SHLD2: variants seen among roughly 807,000 people sequenced by gnomAD.
SHLD2 encodes shieldin complex subunit 2.
Under a neutral mutation model 73.2 loss-of-function variants are expected in SHLD2, and 30 were observed. The observed-to-expected ratio is 0.41, with a 90% CI of 0.31 to 0.56. The LOEUF is 0.56. Ranked by LOEUF, SHLD2 falls within the 20% of genes least tolerant of loss-of-function variation. The pLI, the probability that SHLD2 is intolerant of heterozygous loss-of-function variation, is 0.28. For missense variants in SHLD2, 745 were observed against 1,055.9 expected (o/e 0.71, Z 4.08); for synonymous variants, 285 against 370.1 (o/e 0.77, Z 2.64).
At chr10:87,137,584 C>T (rs960517278) in intron 2 of SHLD2, among the ~76,000 whole-genome samples, 18 of 151,932 alleles carry the variant, frequency 1.2e-4, no homozygotes, top group Non-Finnish European at 2.2e-4. Context: ...ATCAGATGGT[C>T]TAACATATAT....
Position 87,164,397 on chromosome 10 carries a change from T to C in SHLD2, c.1634-6081T>C, listed in dbSNP as rs114037919. Reference sequence around the variant, plus strand: ...CCTTCCAAGTAGCCGGTACCATAGCTGTGCACTACCACGCCTGGCTAATTT... The same window carrying C: ...CCTTCCAAGTAGCCGGTACCATAGCCGTGCACTACCACGCCTGGCTAATTT... On this transcript the variant is annotated intron_variant, in intron 4 of 9. Coordinates refer to ENST00000298786, the MANE Select transcript of SHLD2 (RefSeq NM_001330112.2). Among the ~76,000 whole-genome samples, 843 of 152,238 alleles carry C rather than the reference T, an allele frequency of 5.5e-3. 8 individuals carry two copies. Among genetic ancestry groups the C allele is most frequent in the African/African-American group, 0.019 (800 of 41,526 alleles).
intron 2 of SHLD2, among the ~76,000 whole-genome samples, chr10:87,150,841 T>G (rs1269837704): frequency 6.6e-6 from 1 of 151,954 alleles, no homozygotes; most frequent in Non-Finnish European, 1.5e-5. Flanking sequence ...GAGAGTCTTT[T>G]TTTGAGATGG....
intron 1 of SHLD2, among the ~76,000 whole-genome samples, chr10:87,096,096 A>C (rs1841851809): frequency 6.6e-6 from 1 of 152,204 alleles, no homozygotes; most frequent in Admixed American, 6.5e-5. Context: ...GCGGGAGTGT[A>C]GTGGCACCAT....
At chr10:87,129,051 G>A (rs1300031627) in intron 2 of SHLD2, among the ~76,000 whole-genome samples, 9 of 151,916 alleles carry the variant, frequency 5.9e-5, no homozygotes, top group Non-Finnish European at 1.3e-4. Flanking sequence ...AATTACAGGC[G>A]TGCATCACCA....
chr10:87,148,556 T>G (rs924093659), intron 2 of SHLD2, among the ~76,000 whole-genome samples: 11 of 126,380 alleles, frequency 8.7e-5, no homozygotes, highest in Admixed American at 8.5e-4. Flanking sequence ...CAAACAAGTT[T>G]GTGGGGGGGC....
intron 4 of SHLD2, among the ~76,000 whole-genome samples, chr10:87,169,804 G>A (rs1418556222): frequency 6.6e-6 from 1 of 152,052 alleles, no homozygotes; most frequent in Non-Finnish European, 1.5e-5. Flanking sequence ...ACATTTAAAG[G>A]ACATAGTAAC....
At chr10:87,143,787 C>T (rs1251536864) in intron 2 of SHLD2, among the ~76,000 whole-genome samples, 1 of 151,884 alleles carries the variant, frequency 6.6e-6, no homozygotes, top group Non-Finnish European at 1.5e-5. Flanking sequence ...AAACAGGACA[C>T]CAGAAGAGCA....
At chr10:87,170,782 G>A (rs1847544069) in intron 5 of SHLD2, 58 bp from the exon 6 acceptor site, 4 of 1,612,678 alleles carry the variant, frequency 2.5e-6, no homozygotes, top group East Asian at 4.5e-5. Flanking sequence ...AGCTATTAAA[G>A]TATGGTATCA....
chr10:87,172,498 T>C (rs1847656509), intron 6 of SHLD2, among the ~76,000 whole-genome samples: 5 of 152,074 alleles, frequency 3.3e-5, no homozygotes, highest in Admixed American at 3.3e-4. Flanking sequence ...ACCAAAAATG[T>C]GTATGTTCAT....
chr10:87,094,718 C>A, upstream of SHLD2: 1 of 1,509,992 alleles, frequency 6.6e-7, no homozygotes, highest in Non-Finnish European at 8.9e-7. The surrounding 1 kb of genome is among the most constrained non-coding windows in gnomAD (Gnocchi z 6.6). Context: ...GAGCCCAGGG[C>A]AGCGGGCCCG....
At chr10:87,112,562 G>GCCGT (rs573144198) in intron 2 of SHLD2, among the ~76,000 whole-genome samples, 1 of 151,732 alleles carries the variant, frequency 6.6e-6, no homozygotes, top group South Asian at 2.1e-4. Context: ...TTGAGCCTGT[G>GCCGT]CCGTCGAGGC....
At chr10:87,141,633 G>T (rs540115898) in intron 2 of SHLD2, among the ~76,000 whole-genome samples, 1 of 152,130 alleles carries the variant, frequency 6.6e-6, no homozygotes, top group Non-Finnish European at 1.5e-5. Flanking sequence ...AAAATAGCTG[G>T]AAGAGGGGCT....
rs576401766 is a variant in SHLD2 at position 87,129,152 on chromosome 10, G to A, written c.-5-22198G>A. ...GTTGCCCAGGCTGGAGTGCAGTGGT[G>A]CGATCTCGGTTCACTGCAACCTCCG... On this transcript the variant is annotated intron_variant, in intron 2 of 9. Coordinates refer to ENST00000298786, the MANE Select transcript of SHLD2 (RefSeq NM_001330112.2). Among the ~76,000 whole-genome samples, 5 of 152,246 alleles carry A rather than the reference G, an allele frequency of 3.3e-5. No homozygotes were observed. In the South Asian group the frequency reaches 6.2e-4, roughly 19 times the overall value.
intron 2 of SHLD2, among the ~76,000 whole-genome samples, chr10:87,123,678 T>C (rs1042157715): frequency 6.6e-6 from 1 of 152,168 alleles, no homozygotes; most frequent in Non-Finnish European, 1.5e-5. Context: ...TAATTCCCAG[T>C]GTTTGAGGTG....
At chr10:87,183,960 C>T (rs1156842762) in intron 8 of SHLD2, among the ~76,000 whole-genome samples, 6 of 152,152 alleles carry the variant, frequency 3.9e-5, no homozygotes, top group African/African-American at 9.7e-5. Context: ...CAGCTGTTTT[C>T]GTATTTGTAC....
chr10:87,097,372 G>T (rs1841968102), intron 2 of SHLD2, among the ~76,000 whole-genome samples: 1 of 152,086 alleles, frequency 6.6e-6, no homozygotes, highest in Non-Finnish European at 1.5e-5. Context: ...ACCAGCCTGG[G>T]CAACACAGTG....
chr10:87,164,473 G>A (rs528154142), intron 4 of SHLD2, among the ~76,000 whole-genome samples: 2 of 151,852 alleles, frequency 1.3e-5, no homozygotes, highest in East Asian at 1.9e-4. Context: ...GGCTGGTCTC[G>A]GACTCCTGGG....
chr10:87,145,787 C>T (rs537923861), intron 2 of SHLD2, among the ~76,000 whole-genome samples: 10 of 146,584 alleles, frequency 6.8e-5, no homozygotes, highest in African/African-American at 1.8e-4. Flanking sequence ...CCGACTGAAG[C>T]GGCTTTCTGC....
chr10:87,139,590 G>C (rs945430314), intron 2 of SHLD2, among the ~76,000 whole-genome samples: 7 of 152,316 alleles, frequency 4.6e-5, no homozygotes, highest in African/African-American at 1.7e-4. Context: ...ACACAAGCCA[G>C]ATATGGTGAC....
Sources: allele counts gnomAD v4.1 joint callset (sites outside exome capture counted in the v4.1 genomes callset), GRCh38; gene constraint gnomAD v4.1.1; non-coding constraint Gnocchi (gnomAD v3.1); transcripts MANE v1.5; gene names NCBI Gene and HGNC (gene_info 2026-07-23, HGNC 2026-07-21).